HYDIN: variants seen among roughly 807,000 people sequenced by gnomAD.
HYDIN encodes the protein axonemal central pair apparatus protein HYDIN.
Under a neutral mutation model 403.9 loss-of-function variants are expected in HYDIN, and 132 were observed. The ratio of observed to expected loss-of-function variants is 0.33; its 90% CI spans 0.28 to 0.38. The LOEUF (loss-of-function observed/expected upper bound fraction) is 0.38, where lower values mean the gene tolerates loss of function less well. Among genes scored for constraint, HYDIN ranks in the 10% least tolerant of loss-of-function variants. The pLI, the probability that HYDIN is intolerant of heterozygous loss-of-function variation, is 1.00. For synonymous variants in HYDIN, 1,202 were observed against 1,891.7 expected, an observed-to-expected ratio of 0.64 and a Z score of 9.46; for missense variants, 2,827 against 5,009.5, an observed-to-expected ratio of 0.56 and a Z score of 13.15.
chr16:70,978,402 T>C (rs200282814), intron 30 of HYDIN, among the ~76,000 whole-genome samples: 3 of 149,774 alleles, frequency 2.0e-5, no homozygotes, highest in African/African-American at 7.3e-5. Flanking sequence ...AGTTTCACCA[T>C]GTTGTCCAGG....
intron 10 of HYDIN, among the ~76,000 whole-genome samples, chr16:71,107,392 A>G (rs1300644277): frequency 1.3e-5 from 2 of 151,986 alleles, no homozygotes; most frequent in Non-Finnish European, 2.9e-5. Context: ...GAAAACCCAA[A>G]GAATGGGAAA....
intron 84 of HYDIN, among the ~76,000 whole-genome samples, chr16:70,816,282 A>T (rs2035835909): frequency 6.6e-6 from 1 of 152,228 alleles, no homozygotes; most frequent in African/African-American, 2.4e-5. Context: ...AAAGTAATTT[A>T]AAAAATAACT....
chr16:70,976,620 G>A (rs1295748545), intron 30 of HYDIN, among the ~76,000 whole-genome samples: 13 of 151,168 alleles, frequency 8.6e-5, no homozygotes, highest in South Asian at 2.1e-4. Flanking sequence ...ATAGTTATAC[G>A]AGACGTTACT....
intron 13 of HYDIN, among the ~76,000 whole-genome samples, chr16:71,070,491 T>A (rs1259855730): frequency 6.8e-6 from 1 of 146,254 alleles, no homozygotes; most frequent in Non-Finnish European, 1.5e-5. Context: ...ACCACGCCCA[T>A]CCAATTTTTG....
chr16:70,835,007 T>TATATATATATACACACATATATATAC, intron 78 of HYDIN, among the ~76,000 whole-genome samples: 1 of 147,032 alleles, frequency 6.8e-6, no homozygotes, highest in South Asian at 2.1e-4. Flanking sequence ...CATATATATA[T>TATATATATATACACACATATATATAC]ACACACACAT....
rs2035137232 is a variant in HYDIN, at chr16:70,807,032, T to C, written c.*548A>G. Among the ~76,000 whole-genome samples the C allele has an allele frequency of 6.6e-6, 1 of 152,126 alleles. No individual in the cohort carries two copies. Among genetic ancestry groups the C allele is most frequent in the Non-Finnish European group, 1.5e-5 (1 of 68,030 alleles). ...GGCAGATGTGGGATTCGGACACTGA[T>C]GGTATAAAAGCCAAGAGAAAAAGTG... On this transcript the variant is annotated 3_prime_UTR_variant, in exon 86 of 86. Coordinates refer to ENST00000393567, the MANE Select transcript of HYDIN (RefSeq NM_001270974.2).
chr16:71,190,368 A>T (rs949754326), intron 1 of HYDIN, among the ~76,000 whole-genome samples: 1 of 152,108 alleles, frequency 6.6e-6, no homozygotes, highest in Non-Finnish European at 1.5e-5. Flanking sequence ...AGTCGGCAAT[A>T]GATCCGTTCT....
intron 28 of HYDIN, among the ~76,000 whole-genome samples, chr16:70,982,082 C>T (rs760609895): frequency 5.5e-5 from 8 of 146,734 alleles, no homozygotes; most frequent in African/African-American, 1.8e-4. Context: ...GAGCCGAGAT[C>T]GCGCCACTGC....
intron 1 of HYDIN, among the ~76,000 whole-genome samples, chr16:71,219,715 A>G (rs561015036): frequency 2.0e-5 from 3 of 152,336 alleles, no homozygotes; most frequent in South Asian, 2.1e-4. Flanking sequence ...ATTAAATTGC[A>G]TTAGAGGCAT....
rs1182294437 is a variant in HYDIN at position 71,178,852 on chromosome 16, C to T, written c.381+76G>A. ...CAAATTAAAGAACTTATCAAAGATC[C>T]CTCAAGATCTCATTTTACTTTAACC... On this transcript the variant is annotated intron_variant, in intron 4 of 85. Transcript: ENST00000393567. 4 of 1,193,164 alleles carry T rather than the reference C, an allele frequency of 3.4e-6. 1 individual carries two copies. Among genetic ancestry groups the T allele is most frequent in the South Asian group, 3.3e-5 (2 of 61,270 alleles). The allele number at this position is 1,193,164 out of a possible 1,614,324, so 73.9% of individuals were successfully genotyped here.
At chr16:70,954,468 AAAAG>A (rs1555588884) in intron 40 of HYDIN, among the ~76,000 whole-genome samples, 2,572 of 149,628 alleles carry the variant, frequency 0.017, 34 homozygotes, top group Middle Eastern at 0.073. Context: ...AAAAAAAAAA[AAAAG>A]AAAGAAAGAA....
chr16:71,049,158 C>A (rs1412115805), intron 18 of HYDIN, among the ~76,000 whole-genome samples: 1 of 152,262 alleles, frequency 6.6e-6, no homozygotes, highest in African/African-American at 2.4e-5. Flanking sequence ...ACCTACTGGG[C>A]TCTAGGTTCT....
intron 18 of HYDIN, among the ~76,000 whole-genome samples, chr16:71,056,148 T>TTA (rs1282047970): frequency 4.0e-5 from 6 of 149,964 alleles, no homozygotes; most frequent in Non-Finnish European, 8.9e-5. Context: ...TTTTTTTTTT[T>TTA]ACTCCTTCAA....
At chr16:71,223,992 A>G (rs1435584042) in intron 1 of HYDIN, among the ~76,000 whole-genome samples, 1 of 152,234 alleles carries the variant, frequency 6.6e-6, no homozygotes, top group Non-Finnish European at 1.5e-5. Flanking sequence ...ACACATTCAC[A>G]TGCATGTTTA....
At chr16:70,946,993 A>G (rs1278457607) in intron 41 of HYDIN, among the ~76,000 whole-genome samples, 2 of 152,016 alleles carry the variant, frequency 1.3e-5, no homozygotes, top group African/African-American at 2.4e-5. Context: ...AAACAGGGAC[A>G]ATTTGACTTC....
chr16:71,186,687 T>C, intron 2 of HYDIN, 74 bp downstream of exon 2: 1 of 1,202,788 alleles, frequency 8.3e-7, no homozygotes, highest in South Asian at 1.5e-5. Context: ...ATTCTGAGAA[T>C]GCCAAGTAGC....
chr16:70,960,657 C>T (rs373115060), intron 38 of HYDIN, among the ~76,000 whole-genome samples: 5,569 of 151,936 alleles, frequency 0.037, 186 homozygotes, highest in African/African-American at 0.13. Context: ...TCTTGGACAT[C>T]TTTCCATTTA....
intron 23 of HYDIN, among the ~76,000 whole-genome samples, chr16:70,993,869 A>T (rs1159921978): frequency 6.6e-6 from 1 of 151,922 alleles, no homozygotes; most frequent in African/African-American, 2.4e-5. Flanking sequence ...AGCCATTCAA[A>T]TGAGCATACG....
At chr16:70,991,494 C>A in intron 24 of HYDIN, 98 bp from the exon 25 acceptor site, 2 of 1,549,622 alleles carry the variant, frequency 1.3e-6, no homozygotes, top group South Asian at 2.4e-5. Context: ...TCTCCCTCTA[C>A]CACACCCCCA....
Sources: gnomAD v4.1 joint callset for allele counts (sites outside exome capture counted in the v4.1 genomes callset) on GRCh38, gnomAD v4.1.1 for gene constraint, MANE v1.5 for transcripts, NCBI Gene and HGNC (gene_info 2026-07-23, HGNC 2026-07-21) for gene names.